GNPDA1: variants seen among roughly 807,000 people sequenced by gnomAD.
GNPDA1 encodes glucosamine-6-phosphate deaminase 1.
Under a neutral mutation model 28.5 loss-of-function variants are expected in GNPDA1, and 24 were observed. The ratio of observed to expected loss-of-function variants is 0.84; its 90% CI spans 0.61 to 1.19. The LOEUF is 1.19. Ranked by LOEUF, GNPDA1 falls within the 50% of genes most tolerant of loss-of-function variation. GNPDA1 has a pLI of 0.00. For synonymous variants in GNPDA1, 147 were observed against 139.3 expected (o/e 1.06, Z -0.39); for missense variants, 264 against 367.3 (o/e 0.72, Z 2.30).
chr5:142,007,959 G>T, intron 2 of GNPDA1, 59 bp from the exon 3 acceptor site: 1 of 913,236 alleles, frequency 1.1e-6, no homozygotes, highest in Non-Finnish European at 1.8e-6. Context: ...AAGCCCAGAG[G>T]GTTCACAGGA....
rs750471467 is a variant in GNPDA1 at position 142,003,200 on chromosome 5, T to C, written c.657A>G (p.Gly219=). 1.9e-6 allele frequency: 3 copies of C among 1,613,740 alleles called. No homozygotes were observed. Among genetic ancestry groups the C allele is most frequent in the Admixed American group, 1.7e-5 (1 of 60,026 alleles). Residue 219 remains glycine, a synonymous_variant, in exon 6 of 7, where the codon GGA becomes GGG. Coordinates refer to ENST00000311337, the MANE Select transcript of GNPDA1 (RefSeq NM_005471.5). The surrounding 1 kb of genome is among the most constrained non-coding windows in gnomAD (Gnocchi z 4.0). ...CAGACACGGTCCACATGTGGTTCACTCCCTCCTCGATGGCCTTGTACAGAG... is the reference window on the plus strand; with the variant it reads ...CAGACACGGTCCACATGTGGTTCACCCCCTCCTCGATGGCCTTGTACAGAG... ...AFALYKAIEE[G]VNHMWTVSAF...
chr5:142,010,518 T>C (rs1484118268), intron 2 of GNPDA1, among the ~76,000 whole-genome samples: 9 of 148,700 alleles, frequency 6.1e-5, no homozygotes, highest in African/African-American at 7.4e-5. Context: ...TTTCTTTTTT[T>C]TTTTTTTTTT....
At chr5:142,012,262 G>T in intron 1 of GNPDA1, 1 of 408,976 alleles carries the variant, frequency 2.4e-6, no homozygotes, top group Admixed American at 3.5e-5. Flanking sequence ...GCAGATCTGG[G>T]TTCTAATCTC....
At position 142,006,089 on chromosome 5, in the gene GNPDA1, C is replaced by T. The variant is rs1356326668; in HGVS notation, c.409+55G>A. The T allele has an allele frequency of 1.4e-5, 21 of 1,449,742 alleles. No individual in the cohort carries two copies. The South Asian group carries it at 2.2e-4, about 15-fold the overall frequency. 89.8% of individuals were successfully genotyped at this position (1,449,742 alleles called of 1,614,324 possible). The stretch of plus-strand genomic sequence containing the variant: ...TCTGCAGACAGGCATTGTGTCTTGT[C>T]CTCCTTCCCACGGGTCTGGCCCTGG... On this transcript the variant is annotated intron_variant, in intron 4 of 6. Transcript: ENST00000311337.
rs767102966 is a variant in GNPDA1 at position 142,006,117 on chromosome 5, A to C, written c.409+27T>G. 4 of 1,588,084 alleles carry C rather than the reference A, an allele frequency of 2.5e-6. No individual in the cohort carries two copies. In the African/African-American group the frequency reaches 5.4e-5, roughly 21 times the overall value. ...CCTTCCCACGGGTCTGGCCCTGGAC[A>C]TGTGTGCTGCAGAGTGTCAAGCTCA... On this transcript the variant is annotated intron_variant, in intron 4 of 6. Coordinates refer to ENST00000311337, the MANE Select transcript of GNPDA1 (RefSeq NM_005471.5).
intron 3 of GNPDA1, among the ~76,000 whole-genome samples, chr5:142,007,109 A>G (rs963674535): frequency 1.3e-5 from 2 of 152,214 alleles, no homozygotes; most frequent in African/African-American, 4.8e-5. Context: ...TTTCACGGGT[A>G]TAGAGCCTGA....
chr5:142,010,511 CT>C (rs749705822), intron 2 of GNPDA1, among the ~76,000 whole-genome samples: 22 of 46,824 alleles, frequency 4.7e-4, no homozygotes, highest in African/African-American at 7.8e-4. Flanking sequence ...TCTTTTCTTT[CT>C]TTTTTTTTTT....
intron 6 of GNPDA1, among the ~76,000 whole-genome samples, chr5:142,002,874 TTCC>T (rs1755709657): frequency 2.0e-5 from 3 of 152,346 alleles, no homozygotes; most frequent in East Asian, 3.9e-4. Flanking sequence ...TGCGTTTTCT[TTCC>T]TCCTCCTCAG....
In GNPDA1 at chr5:142,003,916, G is replaced by GA. The variant is rs1344418278; in HGVS notation, c.595-655dup. On this transcript the variant is annotated intron_variant, in intron 5 of 6. Coordinates refer to ENST00000311337, the MANE Select transcript of GNPDA1 (RefSeq NM_005471.5). The surrounding 1 kb of genome is among the most constrained non-coding windows in gnomAD (Gnocchi z 4.0). ...AGCTCTATTCAAGGGCAGGAAAAGA[G>GA]AAAAAAACTCAGTTCTGTAGATTTC... is the stretch of plus-strand genomic sequence containing the variant. 1.3e-5 allele frequency among the ~76,000 whole-genome samples: 2 copies of GA among 152,108 alleles called. No homozygotes were observed. The highest frequency in any genetic ancestry group is 4.8e-5 in the African/African-American group (2 of 41,422).
chr5:142,012,188 AG>A, intron 1 of GNPDA1, 147 bp from the exon 2 acceptor site: 1 of 714,334 alleles, frequency 1.4e-6, no homozygotes. Flanking sequence ...CTATTCACAG[AG>A]GAGCTAAGAG....
rs908995138 is a variant in GNPDA1 at position 142,003,736 on chromosome 5, G to C, written c.595-474C>G. ...GCCTCTAAGGCTGAATCCCAGAAAG[G>C]TTGCCCCATTATCTGGTCACTTTCA... On this transcript the variant is annotated intron_variant, in intron 5 of 6. Coordinates refer to ENST00000311337, the MANE Select transcript of GNPDA1 (RefSeq NM_005471.5). This position sits in a 1 kb window ranked among gnomAD's most constrained non-coding sequence, Gnocchi z 4.0. Among the ~76,000 whole-genome samples the C allele has an allele frequency of 2.6e-5, 4 of 152,192 alleles. No individual in the cohort carries two copies. The highest frequency in any genetic ancestry group is 4.4e-5 in the Non-Finnish European group (3 of 68,030).
At position 142,001,273 on chromosome 5, in the gene GNPDA1, G is replaced by GC. The variant is rs55892272; in HGVS notation, c.*755dup. The GC allele has an allele frequency of 0.88, 134,108 of 152,254 alleles. 59,308 individuals are homozygous for GC. The highest frequency in any genetic ancestry group is 0.98 in the East Asian group (5,185 of 5,298). The allele number at this position is 152,254 out of a possible 1,614,324, so 9.4% of individuals were successfully genotyped here. Reference sequence around the variant, plus strand: ...TGTAAAACAGAGGAGCCACAGTGAGGCTTTCACAAAAACACAGGGCTCTGG... The same window carrying GC: ...TGTAAAACAGAGGAGCCACAGTGAGGCCTTTCACAAAAACACAGGGCTCTGG... On this transcript the variant is annotated 3_prime_UTR_variant, in exon 7 of 7. Coordinates refer to ENST00000311337, the MANE Select transcript of GNPDA1 (RefSeq NM_005471.5).
intron 4 of GNPDA1, chr5:142,005,392 A>C: frequency 6.9e-6 from 2 of 290,422 alleles, no homozygotes; most frequent in Non-Finnish European, 1.3e-5. Flanking sequence ...CACCCTCAAA[A>C]AGCTGAGGAG....
intron 4 of GNPDA1, chr5:142,005,347 A>G: frequency 2.4e-6 from 1 of 408,244 alleles, no homozygotes; most frequent in Non-Finnish European, 4.5e-6. Flanking sequence ...CATCATGTCT[A>G]TCTGAGGCAC....
intron 3 of GNPDA1, 101 bp from the exon 4 acceptor site, chr5:142,006,427 G>C (rs373977601): frequency 1.2e-6 from 1 of 857,764 alleles, no homozygotes. Flanking sequence ...GACACTCCCA[G>C]GGGTCTGCCC....
chr5:142,005,075 A>T lies in GNPDA1; in HGVS notation c.451T>A (p.Ser151Thr). The part of the protein sequence containing the change: ...DGHIAFNEPG[S>T]SLVSRTRVKT... ...ACACGGGTCCTGGACACCAGACTGG[A>T]GCCTGGCTCGTTGAAGGCAATGTGT... The change falls in exon 5 of 7, where the codon TCC (serine) becomes ACC (threonine). Residue 151 changes from serine to threonine, a missense_variant. Transcript: ENST00000311337. 1 of 1,611,740 alleles carries T rather than the reference A, an allele frequency of 6.2e-7. No individual in the cohort carries two copies. Among genetic ancestry groups the T allele is most frequent in the Non-Finnish European group, 8.5e-7 (1 of 1,178,052 alleles).
intron 3 of GNPDA1, among the ~76,000 whole-genome samples, chr5:142,007,523 A>G (rs1172175274): frequency 6.6e-6 from 1 of 152,148 alleles, no homozygotes; most frequent in Non-Finnish European, 1.5e-5. Flanking sequence ...GGCAGAGGAG[A>G]AGGAGATACT....
intron 1 of GNPDA1, 82 bp from the exon 2 acceptor site, chr5:142,012,123 T>C (rs1481638907): frequency 7.2e-7 from 1 of 1,394,690 alleles, no homozygotes; most frequent in East Asian, 2.3e-5. Flanking sequence ...GAGAAGCTTC[T>C]CTTACCCAGC....
In GNPDA1 at chr5:142,005,042, G is replaced by C; in HGVS notation, c.484C>G (p.Leu162Val). The change falls in exon 5 of 7, where the codon CTG (leucine) becomes GTG (valine). Residue 162 changes from leucine to valine, a missense_variant. Leu to Val is a conservative substitution (Grantham distance 32). Transcript: ENST00000311337. Reference protein sequence around the residue: ...SLVSRTRVKTLAMDTILANAR... With the variant: ...SLVSRTRVKTVAMDTILANAR... ...TTGGCCAGGATGGTATCCATGGCCA[G>C]CGTCTTCACACGGGTCCTGGACACC... is the stretch of plus-strand genomic sequence containing the variant. 1 of 1,613,648 alleles carries C rather than the reference G, an allele frequency of 6.2e-7. No individual in the cohort carries two copies. Among genetic ancestry groups the C allele is most frequent in the Non-Finnish European group, 8.5e-7 (1 of 1,179,630 alleles).
Sources: allele counts gnomAD v4.1 joint callset (sites outside exome capture counted in the v4.1 genomes callset), GRCh38; gene constraint gnomAD v4.1.1; non-coding constraint Gnocchi (gnomAD v3.1); transcripts MANE v1.5; gene names NCBI Gene and HGNC (gene_info 2026-07-23, HGNC 2026-07-21).